Variants in GRK1 observed in about 807,000 individuals in gnomAD.
GRK1 encodes the protein rhodopsin kinase GRK1.
GRK1 carries 28 observed loss-of-function variants against 41.7 expected under a neutral mutation model. The observed-to-expected ratio is 0.67, with a 90% CI of 0.50 to 0.92. The LOEUF (loss-of-function observed/expected upper bound fraction) is 0.92. Ranked by LOEUF, GRK1 falls within the 40% of genes least tolerant of loss-of-function variation. GRK1 has a pLI of 0.00. For missense variants in GRK1, 703 were observed against 671.2 expected (o/e 1.05, Z -0.52); for synonymous variants, 327 against 286.7 (o/e 1.14, Z -1.42).
chr13:113,649,287 A>G, the GRK1 span: 4 of 1,465,228 alleles, frequency 2.7e-6, no homozygotes, highest in Non-Finnish European at 3.7e-6. This position sits in a 1 kb window ranked among gnomAD's most constrained non-coding sequence, Gnocchi z 4.7. Context: ...ATGATTTGGC[A>G]GGGAACTGAC....
At chr13:113,668,738 G>A (rs1028988075) in intron 1 of GRK1, among the ~76,000 whole-genome samples, 8 of 152,242 alleles carry the variant, frequency 5.3e-5, no homozygotes, top group African/African-American at 1.9e-4. Context: ...GGCTGTGCCG[G>A]GTGTGGACGT....
rs374942194 is a variant in GRK1 at position 113,669,213 on chromosome 13, C to T, written c.700-474C>T. The stretch of plus-strand genomic sequence containing the variant: ...CCTCTTCAAAGAGGGATGTGCTATC[C>T]TTATCCAGACACTTACAAACTCGTT... On this transcript the variant is annotated intron_variant, in intron 1 of 6. Coordinates refer to ENST00000335678, the MANE Select transcript of GRK1 (RefSeq NM_002929.3). Among the ~76,000 whole-genome samples the T allele has an allele frequency of 5.3e-5, 8 of 152,340 alleles. No individual in the cohort carries two copies. The East Asian group carries it at 5.8e-4, about 11-fold the overall frequency.
At chr13:113,733,285 C>A (rs2049951202) in intron 6 of GRK1, among the ~76,000 whole-genome samples, 200 bp downstream of exon 6, 2 of 152,218 alleles carry the variant, frequency 1.3e-5, no homozygotes, top group Non-Finnish European at 2.9e-5. Context: ...CGGCATCGGG[C>A]CAGAGGGCTC....
intron 3 of GRK1, among the ~76,000 whole-genome samples, chr13:113,672,188 G>T (rs933253741): frequency 2.0e-5 from 3 of 151,942 alleles, no homozygotes; most frequent in Non-Finnish European, 4.4e-5. Flanking sequence ...TGTGGTTTGT[G>T]GGGTGTGTGT....
At chr13:113,733,615 GTGTGTGCATACGTGTGTGCTCATGTA>G (rs2049957651) in intron 6 of GRK1, among the ~76,000 whole-genome samples, 1 of 146,250 alleles carries the variant, frequency 6.8e-6, no homozygotes, top group African/African-American at 2.7e-5. Flanking sequence ...GCATGTGTAT[GTGTGTGCATACGTGTGTGCTCATGTA>G]TGTGTGCATA....
At chr13:113,724,489 G>A (rs1207848195) in intron 4 of GRK1, among the ~76,000 whole-genome samples, 3 of 152,290 alleles carry the variant, frequency 2.0e-5, no homozygotes, top group South Asian at 2.1e-4. Context: ...GGCACTGGGC[G>A]TATTTGTGCC....
intron 1 of GRK1, among the ~76,000 whole-genome samples, chr13:113,668,549 C>G (rs1051211165): frequency 6.6e-6 from 1 of 152,238 alleles, no homozygotes; most frequent in African/African-American, 2.4e-5. Context: ...TGAGGCAGAG[C>G]CTGGCGTGAC....
the GRK1 span, chr13:113,652,919 A>G: frequency 6.2e-7 from 1 of 1,614,094 alleles, no homozygotes; most frequent in Non-Finnish European, 8.5e-7. Context: ...TTCAAAGCCG[A>G]AGTTGGGATC....
the GRK1 span, chr13:113,654,861 G>C: frequency 1.2e-6 from 2 of 1,614,086 alleles, no homozygotes; most frequent in Non-Finnish European, 1.7e-6. Flanking sequence ...CGGGTCCACT[G>C]TCTGCATCAG....
chr13:113,734,911 C>A, intron 6 of GRK1, 157 bp from the exon 7 acceptor site: 1 of 693,008 alleles, frequency 1.4e-6, no homozygotes, highest in African/African-American at 1.8e-5. Flanking sequence ...TCTGGGAACA[C>A]TGGGCTTTCT....
the GRK1 span, among the ~76,000 whole-genome samples, chr13:113,655,878 C>T: frequency 1.3e-5 from 2 of 152,216 alleles, no homozygotes; most frequent in African/African-American, 4.8e-5. Flanking sequence ...GGCCAAGAGG[C>T]CAGAGCCCTG....
the GRK1 span, among the ~76,000 whole-genome samples, chr13:113,651,201 T>G: frequency 1.3e-5 from 2 of 152,180 alleles, no homozygotes; most frequent in Non-Finnish European, 2.9e-5. Flanking sequence ...ATTTAAAAAA[T>G]TCAGTTTTAA....
chr13:113,733,727 G>A lies in GRK1; in HGVS notation c.1396+642G>A, dbSNP rs1217958033. ...TGCGTGTGTGCGCACGTGTGTGTGC[G>A]CGCGTGTGTATGTGTGCATACATGT... On this transcript the variant is annotated intron_variant, in intron 6 of 6. Coordinates refer to ENST00000335678, the MANE Select transcript of GRK1 (RefSeq NM_002929.3). Among the ~76,000 whole-genome samples, 13 of 114,048 alleles carry A rather than the reference G, an allele frequency of 1.1e-4. 1 individual carries two copies. The South Asian group carries it at 1.8e-3, about 16-fold the overall frequency. The allele number at this position is 114,048 out of a possible 152,430, so 74.8% of individuals were successfully genotyped here.
the GRK1 span, among the ~76,000 whole-genome samples, chr13:113,656,831 T>C: frequency 6.6e-6 from 1 of 151,528 alleles, no homozygotes; most frequent in African/African-American, 2.4e-5. Flanking sequence ...CACATGGGAG[T>C]CTCAGCATCT....
chr13:113,733,726 C>A (rs534131801), intron 6 of GRK1, among the ~76,000 whole-genome samples: 1 of 86,366 alleles, frequency 1.2e-5, no homozygotes, highest in Non-Finnish European at 2.4e-5. Flanking sequence ...CGTGTGTGTG[C>A]GCGCGTGTGT....
the GRK1 span, chr13:113,653,403 C>T: frequency 1.9e-6 from 3 of 1,614,254 alleles, no homozygotes; most frequent in Non-Finnish European, 2.5e-6. Flanking sequence ...CCAGGCCTTT[C>T]TCCCCGTAAA....
chr13:113,650,421 G>A, the GRK1 span: 16 of 1,613,776 alleles, frequency 9.9e-6, no homozygotes, highest in African/African-American at 5.3e-5. This position sits in a 1 kb window ranked among gnomAD's most constrained non-coding sequence, Gnocchi z 5.0. Context: ...CTTTCTTCCC[G>A]TAATAAGGGA....
chr13:113,733,924 GCATGTGTGCA>G (rs2049975681), intron 6 of GRK1, among the ~76,000 whole-genome samples: 1 of 74,512 alleles, frequency 1.3e-5, no homozygotes, highest in African/African-American at 4.3e-5. Context: ...GTGCGTGTGT[GCATGTGTGCA>G]TACGTGTGTG....
chr13:113,656,771 C>T, the GRK1 span, among the ~76,000 whole-genome samples: 15 of 152,296 alleles, frequency 9.8e-5, no homozygotes, highest in Non-Finnish European at 1.9e-4. Flanking sequence ...ACCGGCCAGG[C>T]AGTGAGACCA....
Sources: allele counts gnomAD v4.1 joint callset (sites outside exome capture counted in the v4.1 genomes callset), GRCh38; gene constraint gnomAD v4.1.1; non-coding constraint Gnocchi (gnomAD v3.1); transcripts MANE v1.5; gene names NCBI Gene and HGNC (gene_info 2026-07-23, HGNC 2026-07-21).